Variants in SMURF2 observed in about 807,000 individuals in gnomAD.
SMURF2 encodes SMAD specific E3 ubiquitin protein ligase 2, also known as E3 ubiquitin-protein ligase SMURF2.
SMURF2 carries 48 observed loss-of-function variants against 109.6 expected under a neutral mutation model. That is an observed-to-expected ratio of 0.44 (90% CI 0.35 to 0.56). The LOEUF is 0.56. Among genes scored for constraint, SMURF2 ranks in the 20% least tolerant of loss-of-function variants. The pLI is 0.01. For synonymous variants in SMURF2, 288 were observed against 317.1 expected, an observed-to-expected ratio of 0.91 and a Z score of 0.97; for missense variants, 575 against 909.0, an observed-to-expected ratio of 0.63 and a Z score of 4.72.
chr17:64,655,331 G>A (rs529805276), intron 1 of SMURF2, among the ~76,000 whole-genome samples: 181 of 129,522 alleles, frequency 1.4e-3, no homozygotes, highest in Non-Finnish European at 2.0e-3. Flanking sequence ...GCATGATCTC[G>A]CCTGCAACCT....
At position 64,578,508 on chromosome 17, in the gene SMURF2, C is replaced by T; in HGVS notation, c.841G>A (p.Asp281Asn). The change falls in exon 9 of 19, where the codon GAT becomes AAT. Residue 281 changes from aspartate (D) to asparagine (N), a missense_variant. By Grantham distance (23) the Asp-to-Asn change is conservative (BLOSUM62 1). This residue lies in a region of SMURF2 where 361 missense variants were observed against 612.1 expected (regional missense o/e 0.59). Coordinates refer to ENST00000262435, the MANE Select transcript of SMURF2 (RefSeq NM_022739.4). Reference sequence around the variant, plus strand: ...CGTTCTTACCTGGGCACTCTTGGATCATGCCATGTGCTCACACCAGTCTGT... The same window carrying T: ...CGTTCTTACCTGGGCACTCTTGGATTATGCCATGTGCTCACACCAGTCTGT... Reference protein sequence around the residue: ...HTQTGVSTWHDPRVPRDLSNI... With the variant: ...HTQTGVSTWHNPRVPRDLSNI... 6.2e-7 allele frequency: 1 copy of T among 1,612,720 alleles called. No individual in the cohort carries two copies. Among genetic ancestry groups the T allele is most frequent in the Non-Finnish European group, 8.5e-7 (1 of 1,178,712 alleles).
rs1555686280 is a variant in SMURF2 at position 64,578,619 on chromosome 17, T to A, written c.773-43A>T. ...ACTGATAACAAAAACATTCAGAGTGTCCAGATCAAAGACAGTTATATACAC... is the reference window on the plus strand; with the variant it reads ...ACTGATAACAAAAACATTCAGAGTGACCAGATCAAAGACAGTTATATACAC... On this transcript the variant is annotated intron_variant, in intron 8 of 18. Transcript: ENST00000262435. 5.1e-6 allele frequency: 7 copies of A among 1,371,500 alleles called. No individual in the cohort carries two copies. In the South Asian group the frequency reaches 8.2e-5, roughly 16 times the overall value. The allele number at this position is 1,371,500 out of a possible 1,614,324, so 85.0% of individuals were successfully genotyped here. A position where few individuals can be genotyped will look rare whatever the true frequency, so the allele number is the denominator to read the frequency against.
chr17:64,641,740 C>A (rs1568207175), intron 1 of SMURF2, among the ~76,000 whole-genome samples: 1 of 152,096 alleles, frequency 6.6e-6, no homozygotes, highest in Non-Finnish European at 1.5e-5. Flanking sequence ...GTTCCAGCCA[C>A]CATCTGAATA....
At chr17:64,637,157 T>TGCCCACCCAG (rs1970428369) in intron 1 of SMURF2, among the ~76,000 whole-genome samples, 2 of 152,120 alleles carry the variant, frequency 1.3e-5, no homozygotes, top group East Asian at 3.9e-4. Flanking sequence ...GACACAGTCT[T>TGCCCACCCAG]GCTCTGTCAC....
At chr17:64,616,654 C>CAA (rs376620328) in intron 1 of SMURF2, among the ~76,000 whole-genome samples, 42 of 84,958 alleles carry the variant, frequency 4.9e-4, no homozygotes, top group African/African-American at 1.0e-3. Context: ...GACTCTGTCT[C>CAA]AAAAAAAAAA....
At chr17:64,580,494 AAC>A (rs1385721258) in intron 8 of SMURF2, among the ~76,000 whole-genome samples, 1 of 152,188 alleles carries the variant, frequency 6.6e-6, no homozygotes, top group Non-Finnish European at 1.5e-5. Flanking sequence ...CTATTTACAA[AAC>A]AGTCTCACTT....
chr17:64,599,828 A>G (rs1969869381), intron 2 of SMURF2, among the ~76,000 whole-genome samples: 1 of 152,306 alleles, frequency 6.6e-6, no homozygotes, highest in Non-Finnish European at 1.5e-5. Context: ...AAGGGCATAC[A>G]GGAGAAGGAG....
intron 1 of SMURF2, among the ~76,000 whole-genome samples, chr17:64,621,861 G>A (rs1555690657): frequency 6.7e-6 from 1 of 149,530 alleles, no homozygotes. Context: ...CTGGGTTACA[G>A]AGTAAGACTC....
chr17:64,610,007 A>G (rs1463871517), intron 1 of SMURF2, among the ~76,000 whole-genome samples: 2 of 152,170 alleles, frequency 1.3e-5, no homozygotes, highest in East Asian at 1.9e-4. Context: ...TATGAAAAAA[A>G]GCTCATCATC....
chr17:64,577,648 T>G (rs1598279330), intron 9 of SMURF2, among the ~76,000 whole-genome samples: 1 of 148,966 alleles, frequency 6.7e-6, no homozygotes, highest in Non-Finnish European at 1.5e-5. Flanking sequence ...CAGGCTGGAG[T>G]GCTGTAGCAC....
intron 5 of SMURF2, among the ~76,000 whole-genome samples, chr17:64,588,255 C>T (rs1969694328): frequency 6.6e-6 from 1 of 152,016 alleles, no homozygotes; most frequent in Non-Finnish European, 1.5e-5. Context: ...CCTCAGCCTC[C>T]CAATGTAGCT....
intron 1 of SMURF2, among the ~76,000 whole-genome samples, chr17:64,661,343 C>G (rs569125137): frequency 2.5e-4 from 38 of 151,982 alleles, no homozygotes; most frequent in South Asian, 1.2e-3. Flanking sequence ...GCGGGCATAA[C>G]TGGGTGTGTG....
intron 9 of SMURF2, among the ~76,000 whole-genome samples, chr17:64,578,006 G>A (rs1316489150): frequency 4.7e-5 from 7 of 148,086 alleles, no homozygotes; most frequent in African/African-American, 1.8e-4. Flanking sequence ...GTGCAGTGGC[G>A]TGATCTCAGC....
chr17:64,557,476 T>C (rs1469868205), intron 13 of SMURF2, 132 bp downstream of exon 13: 1 of 635,356 alleles, frequency 1.6e-6, no homozygotes, highest in Non-Finnish European at 2.7e-6. Flanking sequence ...GAAAATTTTA[T>C]AGAAGGGGAA....
chr17:64,610,737 C>G (rs1289940653), intron 1 of SMURF2, among the ~76,000 whole-genome samples: 2 of 152,108 alleles, frequency 1.3e-5, no homozygotes, highest in Non-Finnish European at 2.9e-5. Context: ...CACATGTACC[C>G]CAGAACTTAA....
chr17:64,555,397 A>C (rs1410260379), intron 14 of SMURF2, among the ~76,000 whole-genome samples: 1 of 152,266 alleles, frequency 6.6e-6, no homozygotes, highest in African/African-American at 2.4e-5. Flanking sequence ...TCACAAAATA[A>C]TGACCTCTTG....
chr17:64,644,612 A>G (rs1555692851), intron 1 of SMURF2, among the ~76,000 whole-genome samples: 1 of 151,504 alleles, frequency 6.6e-6, no homozygotes, highest in African/African-American at 2.4e-5. Context: ...AAAAAAGAAA[A>G]AAAAAAAAAT....
chr17:64,613,675 T>A (rs1490992072), intron 1 of SMURF2, among the ~76,000 whole-genome samples: 2 of 30,014 alleles, frequency 6.7e-5, no homozygotes, highest in Admixed American at 5.1e-4. Flanking sequence ...CACGGACCAG[T>A]GTGTGTGTGT....
intron 12 of SMURF2, among the ~76,000 whole-genome samples, chr17:64,559,962 C>T (rs1969188521): frequency 1.3e-5 from 2 of 151,626 alleles, no homozygotes; most frequent in Non-Finnish European, 1.5e-5. Flanking sequence ...TCATGTTGGC[C>T]AGGATGGTCT....
Sources: gnomAD v4.1 joint callset for allele counts (sites outside exome capture counted in the v4.1 genomes callset) on GRCh38, gnomAD v4.1.1 for gene constraint, gnomAD v4.1.1 regional missense constraint, MANE v1.5 for transcripts, NCBI Gene and HGNC (gene_info 2026-07-23, HGNC 2026-07-21) for gene names.